TACR3: variants seen among roughly 807,000 people sequenced by gnomAD.
TACR3 encodes the protein tachykinin receptor 3.
Under a neutral mutation model 35.0 loss-of-function variants are expected in TACR3, and 34 were observed. The ratio of observed to expected loss-of-function variants is 0.97; its 90% CI spans 0.74 to 1.30. TACR3 has a LOEUF of 1.30. Among genes scored for constraint, TACR3 ranks in the 50% most tolerant of loss-of-function variants. The probability of loss-of-function intolerance (pLI) is 0.00; values close to 1 mark genes in which losing one functional copy is unlikely to be tolerated. For missense variants in TACR3, 558 were observed against 591.7 expected, an observed-to-expected ratio of 0.94 and a Z score of 0.59; for synonymous variants, 233 against 221.1, an observed-to-expected ratio of 1.05 and a Z score of -0.48.
In TACR3 at chr4:103,650,663, TAA is replaced by T. The variant is rs1184447938; in HGVS notation, c.888+5529_888+5530del. On this transcript the variant is annotated intron_variant, in intron 3 of 4. Coordinates refer to ENST00000304883, the MANE Select transcript of TACR3 (RefSeq NM_001059.3). ...TATATTTAATATATATAAATATATA[TAA>T]ATAAATATATATTATATCATATATA... Among the ~76,000 whole-genome samples the T allele has an allele frequency of 3.8e-3, 116 of 30,228 alleles. 5 individuals are homozygous for T. The African/African-American group carries it at 0.039, about 10-fold the overall frequency. 19.8% of individuals were successfully genotyped at this position (30,228 alleles called of 152,430 possible).
At chr4:103,697,280 A>G (rs145574269) in intron 1 of TACR3, among the ~76,000 whole-genome samples, 1 of 152,174 alleles carries the variant, frequency 6.6e-6, no homozygotes, top group African/African-American at 2.4e-5. Context: ...TAGACTGAAA[A>G]GCTAGCAGCT....
rs571347272 is a variant in TACR3, at chr4:103,587,831, T to G, written c.*1851A>C. 6.6e-6 allele frequency: 1 copy of G among 152,222 alleles called. No individual in the cohort carries two copies. The highest frequency in any genetic ancestry group is 2.1e-4 in the South Asian group (1 of 4,828). The allele number at this position is 152,222 out of a possible 1,614,324, so 9.4% of individuals were successfully genotyped here. On this transcript the variant is annotated 3_prime_UTR_variant, in exon 5 of 5. Transcript: ENST00000304883. Reference sequence around the variant, plus strand: ...AACAATTAGATACTATATATTAAATTTGCTTATTTAAAACATGCACACAAG... The same window carrying G: ...AACAATTAGATACTATATATTAAATGTGCTTATTTAAAACATGCACACAAG...
intron 3 of TACR3, among the ~76,000 whole-genome samples, chr4:103,632,104 T>C (rs910835880): frequency 6.6e-6 from 1 of 152,302 alleles, no homozygotes; most frequent in South Asian, 2.1e-4. Context: ...TATTTAACTG[T>C]ATATTAAAAA....
intron 3 of TACR3, among the ~76,000 whole-genome samples, chr4:103,618,564 C>CTTATTTTTTTTTTTTT (rs1724707905): frequency 1.6e-5 from 1 of 61,446 alleles, no homozygotes; most frequent in African/African-American, 9.1e-5. Context: ...GTGACTTGGG[C>CTTATTTTTTTTTTTTT]TTTTTTTTTT....
At chr4:103,593,229 C>T (rs1456967992) in intron 3 of TACR3, 1 of 152,118 alleles carries the variant, frequency 6.6e-6, no homozygotes, top group Admixed American at 6.6e-5. Context: ...ACCCAAAGAT[C>T]TGACCACTGT....
intron 3 of TACR3, among the ~76,000 whole-genome samples, chr4:103,631,979 G>C (rs961070868): frequency 6.6e-6 from 1 of 152,096 alleles, no homozygotes; most frequent in Non-Finnish European, 1.5e-5. Flanking sequence ...AGCTGTGCGA[G>C]CTTATTGTTA....
chr4:103,628,803 C>T (rs1270465274), intron 3 of TACR3, among the ~76,000 whole-genome samples: 1 of 151,096 alleles, frequency 6.6e-6, no homozygotes, highest in Admixed American at 6.6e-5. Flanking sequence ...TTTTATGAGG[C>T]AAGCATCATC....
At chr4:103,630,482 T>C (rs984886973) in intron 3 of TACR3, among the ~76,000 whole-genome samples, 1 of 151,052 alleles carries the variant, frequency 6.6e-6, no homozygotes, top group Non-Finnish European at 1.5e-5. Flanking sequence ...GAACTCAAAT[T>C]TACAAGAATA....
chr4:103,687,991 C>T (rs1722294051), intron 1 of TACR3, among the ~76,000 whole-genome samples: 1 of 152,176 alleles, frequency 6.6e-6, no homozygotes, highest in African/African-American at 2.4e-5. Context: ...TACCTGACTT[C>T]AAACTATACT....
At chr4:103,698,221 A>G (rs1412824809) in intron 1 of TACR3, among the ~76,000 whole-genome samples, 2 of 152,152 alleles carry the variant, frequency 1.3e-5, no homozygotes, top group African/African-American at 2.4e-5. Context: ...AAACTTTTAC[A>G]TATTCATTTA....
At chr4:103,706,499 T>C (rs1560539445) in intron 1 of TACR3, among the ~76,000 whole-genome samples, 1 of 152,038 alleles carries the variant, frequency 6.6e-6, no homozygotes, top group Non-Finnish European at 1.5e-5. Context: ...ACTGTTTTAA[T>C]AAAGGAAATA....
At chr4:103,702,023 T>C (rs1239974417) in intron 1 of TACR3, among the ~76,000 whole-genome samples, 1 of 152,096 alleles carries the variant, frequency 6.6e-6, no homozygotes, top group African/African-American at 2.4e-5. Context: ...CCAAAAGCAA[T>C]GGCAACAAAA....
chr4:103,666,850 C>T (rs1340988468), intron 1 of TACR3, among the ~76,000 whole-genome samples: 1 of 152,094 alleles, frequency 6.6e-6, no homozygotes, highest in African/African-American at 2.4e-5. Context: ...TTTTGAAGTC[C>T]AGTTTACTGA....
chr4:103,622,487 T>A (rs1724804978), intron 3 of TACR3, among the ~76,000 whole-genome samples: 1 of 151,944 alleles, frequency 6.6e-6, no homozygotes, highest in African/African-American at 2.4e-5. Flanking sequence ...ATCCCAGCAG[T>A]TTGGGAGGCT....
chr4:103,647,651 T>C (rs1725490758), intron 3 of TACR3, among the ~76,000 whole-genome samples: 2 of 151,406 alleles, frequency 1.3e-5, no homozygotes, highest in East Asian at 3.9e-4. Flanking sequence ...ATTAGTTGAA[T>C]ATACTTTCCT....
At chr4:103,628,750 A>C (rs1183292468) in intron 3 of TACR3, among the ~76,000 whole-genome samples, 1 of 152,200 alleles carries the variant, frequency 6.6e-6, no homozygotes, top group Non-Finnish European at 1.5e-5. Context: ...TCCTTGTGAA[A>C]CTATTCCAAT....
intron 3 of TACR3, among the ~76,000 whole-genome samples, chr4:103,614,536 G>A (rs1448366515): frequency 6.6e-6 from 1 of 152,196 alleles, no homozygotes; most frequent in Non-Finnish European, 1.5e-5. Context: ...TCATTGCACA[G>A]TAGTGTACTG....
At chr4:103,676,333 A>G (rs1726169344) in intron 1 of TACR3, among the ~76,000 whole-genome samples, 1 of 152,220 alleles carries the variant, frequency 6.6e-6, no homozygotes, top group African/African-American at 2.4e-5. Context: ...AATAACAAAC[A>G]TAACACTATC....
chr4:103,683,565 C>T (rs959259993), intron 1 of TACR3, among the ~76,000 whole-genome samples: 1 of 144,664 alleles, frequency 6.9e-6, no homozygotes, highest in Admixed American at 6.9e-5. Flanking sequence ...AACAGGCATT[C>T]AAAAAGAGTA....
Sources: gnomAD v4.1 joint callset for allele counts (sites outside exome capture counted in the v4.1 genomes callset) on GRCh38, gnomAD v4.1.1 for gene constraint, MANE v1.5 for transcripts, NCBI Gene and HGNC (gene_info 2026-07-23, HGNC 2026-07-21) for gene names.